DNAH6: variants seen among roughly 807,000 people sequenced by gnomAD.
DNAH6 encodes the protein dynein axonemal heavy chain 6.
In DNAH6, 340 loss-of-function variants were observed where a neutral mutation model predicts 491.4. The observed-to-expected ratio is 0.69, with a 90% CI of 0.63 to 0.76. The LOEUF (loss-of-function observed/expected upper bound fraction) is 0.76. Ranked by LOEUF, DNAH6 falls within the 30% of genes least tolerant of loss-of-function variation. The pLI, the probability that DNAH6 is intolerant of heterozygous loss-of-function variation, is 0.00. For synonymous variants in DNAH6, 1,603 were observed against 1,686.1 expected, an observed-to-expected ratio of 0.95 and a Z score of 1.21; for missense variants, 4,443 against 4,972.2, an observed-to-expected ratio of 0.89 and a Z score of 3.20.
rs35787415 is a variant in DNAH6 at position 84,590,498 on chromosome 2, CA to C, written c.2610+1564del. Among the ~76,000 whole-genome samples, 41 of 97,938 alleles carry C rather than the reference CA, an allele frequency of 4.2e-4. 1 individual carries two copies. The highest frequency in any genetic ancestry group is 9.2e-4 in the African/African-American group (23 of 25,096). The allele number at this position is 97,938 out of a possible 152,430, so 64.3% of individuals were successfully genotyped here. ...TGACAGTGTGAGCGAGGCTCCATTTCAAAAAAAAAAAAAAAAAAAAGCTACA... is the reference window on the plus strand; with the variant it reads ...TGACAGTGTGAGCGAGGCTCCATTTCAAAAAAAAAAAAAAAAAAAGCTACA... On this transcript the variant is annotated intron_variant, in intron 16 of 76. Coordinates refer to ENST00000389394, the MANE Select transcript of DNAH6 (RefSeq NM_001370.2).
intron 63 of DNAH6, among the ~76,000 whole-genome samples, chr2:84,758,986 A>G (rs958356365): frequency 6.6e-6 from 1 of 152,230 alleles, no homozygotes; most frequent in Non-Finnish European, 1.5e-5. Flanking sequence ...AGTTTGAAAA[A>G]GATGAAGTCA....
At chr2:84,613,637 G>C (rs940119247) in intron 22 of DNAH6, among the ~76,000 whole-genome samples, 3 of 152,124 alleles carry the variant, frequency 2.0e-5, no homozygotes, top group Non-Finnish European at 4.4e-5. Context: ...AGAGGATACA[G>C]AAAAGATACC....
intron 33 of DNAH6, among the ~76,000 whole-genome samples, chr2:84,643,501 C>T (rs1558843089): frequency 3.9e-5 from 6 of 152,082 alleles, no homozygotes; most frequent in Admixed American, 3.9e-4. Context: ...ATTCCCACTG[C>T]ACACGTGGTA....
At chr2:84,672,710 T>C (rs1305984933) in intron 40 of DNAH6, among the ~76,000 whole-genome samples, 25 of 152,334 alleles carry the variant, frequency 1.6e-4, no homozygotes, top group Admixed American at 1.6e-3. Context: ...GGCTTCTCTC[T>C]GTGTCTGTCT....
At position 84,753,755 on chromosome 2, in the gene DNAH6, T is replaced by TAAAAAAAAAA. The variant is rs1162541312; in HGVS notation, c.10512+8521_10512+8530dup. Among the ~76,000 whole-genome samples, 87 of 77,120 alleles carry TAAAAAAAAAA rather than the reference T, an allele frequency of 1.1e-3. 3 individuals are homozygous for TAAAAAAAAAA. The highest frequency in any genetic ancestry group is 4.7e-3 in the African/African-American group (82 of 17,572). The allele number at this position is 77,120 out of a possible 152,430, so 50.6% of individuals were successfully genotyped here. ...CTGGGCAACAGGAGTGAAACTCTGTTAAAAAAAAAAAAAAAAAAAAAAAAG... is the reference window on the plus strand; with the variant it reads ...CTGGGCAACAGGAGTGAAACTCTGTTAAAAAAAAAAAAAAAAAAAAAAAAAAAAAAAAAAG... On this transcript the variant is annotated intron_variant, in intron 63 of 76. Coordinates refer to ENST00000389394, the MANE Select transcript of DNAH6 (RefSeq NM_001370.2).
chr2:84,777,406 C>A, intron 64 of DNAH6: 1 of 523,132 alleles, frequency 1.9e-6, no homozygotes, highest in South Asian at 2.3e-5. Flanking sequence ...AGACATTATC[C>A]TTTATTCCAT....
chr2:84,726,489 A>G (rs182692555), intron 60 of DNAH6, among the ~76,000 whole-genome samples: 122 of 152,256 alleles, frequency 8.0e-4, no homozygotes, highest in African/African-American at 2.9e-3. Context: ...ATCTTCCTAC[A>G]TGGATGAAAC....
At chr2:84,804,649 CTG>C (rs1198523216) in intron 70 of DNAH6, among the ~76,000 whole-genome samples, 1 of 151,928 alleles carries the variant, frequency 6.6e-6, no homozygotes, top group Non-Finnish European at 1.5e-5. Flanking sequence ...TGACCTGAAA[CTG>C]TGTTCTCATG....
chr2:84,635,588 G>A (rs1558830562), intron 30 of DNAH6, among the ~76,000 whole-genome samples: 1 of 152,170 alleles, frequency 6.6e-6, no homozygotes, highest in Non-Finnish European at 1.5e-5. Flanking sequence ...AGTATATGGA[G>A]TAAGGGGACA....
chr2:84,735,748 G>T (rs762815978), intron 62 of DNAH6, among the ~76,000 whole-genome samples: 5 of 151,968 alleles, frequency 3.3e-5, no homozygotes, highest in Non-Finnish European at 5.9e-5. Flanking sequence ...ATTGATTTAA[G>T]TTCTTTATAG....
intron 60 of DNAH6, among the ~76,000 whole-genome samples, chr2:84,724,019 G>A (rs549553648): frequency 9.9e-4 from 150 of 152,240 alleles, no homozygotes; most frequent in African/African-American, 3.3e-3. Flanking sequence ...CAGCCCACCC[G>A]ACCAAAGCCT....
intron 36 of DNAH6, 143 bp downstream of exon 36, chr2:84,658,617 T>G: frequency 1.7e-6 from 1 of 584,790 alleles, no homozygotes. Context: ...ATGATGTCAT[T>G]CTTAGAATCT....
chr2:84,554,308 A>G (rs1393008199), intron 10 of DNAH6, among the ~76,000 whole-genome samples: 2 of 152,194 alleles, frequency 1.3e-5, no homozygotes, highest in East Asian at 1.9e-4. Context: ...TAATCATGGG[A>G]CTGGCATCCC....
At chr2:84,569,359 G>A (rs1466950063) in intron 11 of DNAH6, among the ~76,000 whole-genome samples, 1 of 151,906 alleles carries the variant, frequency 6.6e-6, no homozygotes, top group Non-Finnish European at 1.5e-5. Context: ...CAGAAACTAA[G>A]GAAATTAGTT....
At chr2:84,772,662 G>A (rs769825740) in intron 64 of DNAH6, among the ~76,000 whole-genome samples, 13 of 152,158 alleles carry the variant, frequency 8.5e-5, no homozygotes, top group Middle Eastern at 3.4e-3. Context: ...AAAACTGACA[G>A]AATTGAAGGC....
intron 31 of DNAH6, among the ~76,000 whole-genome samples, chr2:84,639,704 G>A (rs1689209685): frequency 6.6e-6 from 1 of 152,138 alleles, no homozygotes; most frequent in Non-Finnish European, 1.5e-5. Flanking sequence ...ACAGGTGTGA[G>A]CCACTGCACC....
the DNAH6 span, among the ~76,000 whole-genome samples, chr2:84,475,327 G>A: frequency 1.3e-5 from 2 of 152,190 alleles, no homozygotes; most frequent in African/African-American, 4.8e-5. Context: ...GTATGCCTGA[G>A]TTTGTTGAGG....
At chr2:84,570,228 G>T (rs969091296) in intron 11 of DNAH6, among the ~76,000 whole-genome samples, 3 of 152,220 alleles carry the variant, frequency 2.0e-5, no homozygotes, top group Non-Finnish European at 4.4e-5. Flanking sequence ...CCACCTCGAA[G>T]GGTCTCCCTG....
At chr2:84,557,651 C>T (rs1469273585) in intron 10 of DNAH6, 84 bp from the exon 11 acceptor site, 2 of 109,358 alleles carry the variant, frequency 1.8e-5, no homozygotes, top group Non-Finnish European at 2.3e-5. Flanking sequence ...AGCGAGACTC[C>T]GTCTCAAAAA....
Sources: allele counts gnomAD v4.1 joint callset (sites outside exome capture counted in the v4.1 genomes callset), GRCh38; gene constraint gnomAD v4.1.1; transcripts MANE v1.5; gene names NCBI Gene and HGNC (gene_info 2026-07-23, HGNC 2026-07-21).